The following CASP4 variants were observed in gnomAD, a reference collection of about 807,000 sequenced individuals.
CASP4 encodes caspase-4.
In CASP4, 29 loss-of-function variants were observed where a neutral mutation model predicts 41.3. The ratio of observed to expected loss-of-function variants is 0.70; its 90% confidence interval spans 0.52 to 0.96. The LOEUF (loss-of-function observed/expected upper bound fraction) is 0.96, where lower values mean the gene tolerates loss of function less well. Ranked by LOEUF, CASP4 falls within the 40% of genes least tolerant of loss-of-function variation. CASP4 has a pLI of 0.00. For synonymous variants in CASP4, 185 were observed against 158.4 expected (o/e 1.17, Z -1.26); for missense variants, 447 against 460.6 (o/e 0.97, Z 0.27).
chr11:104,951,210 C>A, intron 3 of CASP4, 112 bp from the exon 4 acceptor site: 1 of 854,116 alleles, frequency 1.2e-6, no homozygotes, highest in South Asian at 1.9e-5. Flanking sequence ...TCTGCTCTAA[C>A]TTGTATCAAA....
chr11:104,962,493 G>C (rs886443439), intron 1 of CASP4, among the ~76,000 whole-genome samples: 1 of 152,128 alleles, frequency 6.6e-6, no homozygotes, highest in Non-Finnish European at 1.5e-5. Flanking sequence ...ATGGAAAGAG[G>C]GGTATCACAA....
At chr11:104,967,182 G>A (rs186651971) in intron 1 of CASP4, among the ~76,000 whole-genome samples, 1 of 152,110 alleles carries the variant, frequency 6.6e-6, no homozygotes. Context: ...ACATTTGGTT[G>A]TTTATAATTA....
At position 104,963,663 on chromosome 11, in the gene CASP4, G is replaced by A. The variant is rs542201792; in HGVS notation, c.7+4856C>T. Among the ~76,000 whole-genome samples the A allele has an allele frequency of 2.3e-4, 35 of 152,292 alleles. 1 individual carries two copies. The highest frequency in any genetic ancestry group is 7.7e-4 in the East Asian group (4 of 5,178). On this transcript the variant is annotated intron_variant, in intron 1 of 8. Coordinates refer to ENST00000444739, the MANE Select transcript of CASP4 (RefSeq NM_001225.4). ...ATGCTCTGGGCCACCTGGAAGATACGGAAACATCCCCATGCCTGACTGAGA... is the reference window on the plus strand; with the variant it reads ...ATGCTCTGGGCCACCTGGAAGATACAGAAACATCCCCATGCCTGACTGAGA...
intron 2 of CASP4, 125 bp downstream of exon 2, chr11:104,954,622 G>C (rs1860690529): frequency 1.1e-6 from 1 of 916,866 alleles, no homozygotes; most frequent in Non-Finnish European, 1.7e-6. Flanking sequence ...GACAAAGATA[G>C]GTTTAGTGAA....
At chr11:104,958,681 C>T (rs2134651418) in intron 1 of CASP4, among the ~76,000 whole-genome samples, 1 of 152,172 alleles carries the variant, frequency 6.6e-6, no homozygotes, top group African/African-American at 2.4e-5. Flanking sequence ...GTAAATTAGG[C>T]CCTGCGCAGT....
chr11:104,961,520 C>A (rs150190237), intron 1 of CASP4, among the ~76,000 whole-genome samples: 2 of 152,132 alleles, frequency 1.3e-5, no homozygotes, highest in African/African-American at 4.8e-5. Context: ...GTGTCTGTAG[C>A]CCCATTGCAG....
chr11:104,957,452 G>C (rs56390038), intron 1 of CASP4, among the ~76,000 whole-genome samples: 17,731 of 152,034 alleles, frequency 0.12, 1,153 homozygotes, highest in South Asian at 0.13. Flanking sequence ...TGTGTCTATA[G>C]TCCTTGCTTC....
At position 104,949,586 on chromosome 11, in the gene CASP4, C is replaced by T. The variant is rs1350868935; in HGVS notation, c.738G>A (p.Leu246=). The change falls in exon 5 of 9, where the codon CTG becomes CTA. Residue 246 remains leucine (L), a synonymous_variant. Coordinates refer to ENST00000444739, the MANE Select transcript of CASP4 (RefSeq NM_001225.4). The stretch of plus-strand genomic sequence containing the variant: ...CAATGATGACCTTGGGTTTGTCCTT[C>T]AGACTGAGGCAGTTGCGGTTGTTGA... ...QIFNNRNCLS[L]KDKPKVIIVQ... The T allele has an allele frequency of 6.8e-6, 11 of 1,613,954 alleles. No homozygotes were observed. The highest frequency in any genetic ancestry group is 9.3e-6 in the Non-Finnish European group (11 of 1,179,862).
chr11:104,965,203 A>C, intron 1 of CASP4, among the ~76,000 whole-genome samples: 1 of 152,170 alleles, frequency 6.6e-6, no homozygotes, highest in East Asian at 1.9e-4. Context: ...TCCTCATCCT[A>C]GGATTTGTTA....
intron 4 of CASP4, 101 bp downstream of exon 4, chr11:104,950,820 ACACC>A: frequency 1.0e-6 from 1 of 1,004,988 alleles, no homozygotes; most frequent in Non-Finnish European, 1.5e-6. Context: ...ACACACACAC[ACACC>A]CAAAGGTTGT....
At chr11:104,944,968 C>A (rs147946376) in intron 7 of CASP4, 117 bp from the exon 8 acceptor site, 7,319 of 716,124 alleles carry the variant, frequency 0.01, 54 homozygotes, top group Non-Finnish European at 0.014. Flanking sequence ...TTCATAGAAC[C>A]AAGCCCATGG....
intron 1 of CASP4, among the ~76,000 whole-genome samples, chr11:104,965,264 G>A (rs1860946919): frequency 1.3e-5 from 2 of 152,324 alleles, no homozygotes; most frequent in South Asian, 4.1e-4. Context: ...AACTACAGAG[G>A]AGAGTACTAA....
At chr11:104,952,197 A>G (rs1352248557) in intron 2 of CASP4, 192 bp from the exon 3 acceptor site, 1 of 560,512 alleles carries the variant, frequency 1.8e-6, no homozygotes, top group African/African-American at 1.9e-5. Flanking sequence ...GATCCACCCA[A>G]ACATGTAATC....
At position 104,954,728 on chromosome 11, in the gene CASP4, G is replaced by A. The variant is rs758585868; in HGVS notation, c.262+19C>T. The A allele has an allele frequency of 6.2e-7, 1 of 1,608,328 alleles. No homozygotes were observed. Among genetic ancestry groups the A allele is most frequent in the Non-Finnish European group, 8.5e-7 (1 of 1,176,604 alleles). On this transcript the variant is annotated intron_variant, in intron 2 of 8. Coordinates refer to ENST00000444739, the MANE Select transcript of CASP4 (RefSeq NM_001225.4). ...TTTAGGGAAAATTGAGACATTCATTGTAAAAAATCCAGTCTTACCTTTTTT... is the reference window on the plus strand; with the variant it reads ...TTTAGGGAAAATTGAGACATTCATTATAAAAAATCCAGTCTTACCTTTTTT...
intron 2 of CASP4, 109 bp downstream of exon 2, chr11:104,954,638 T>C: frequency 7.9e-6 from 8 of 1,014,284 alleles, no homozygotes; most frequent in Middle Eastern, 2.2e-4. Context: ...GTGAAAATGA[T>C]AGTTTAGGAA....
chr11:104,948,785 C>G, intron 5 of CASP4, 109 bp from the exon 6 acceptor site: 2 of 818,786 alleles, frequency 2.4e-6, no homozygotes, highest in Non-Finnish European at 3.7e-6. Flanking sequence ...TTCATACATA[C>G]AGACCCACAC....
chr11:104,956,238 G>T (rs971062509), intron 1 of CASP4, among the ~76,000 whole-genome samples: 3 of 151,884 alleles, frequency 2.0e-5, no homozygotes, highest in African/African-American at 7.3e-5. Context: ...AGCCAGTGGG[G>T]TAGTTATTAT....
intron 1 of CASP4, among the ~76,000 whole-genome samples, chr11:104,964,847 T>A (rs79502484): frequency 6.6e-6 from 1 of 152,224 alleles, no homozygotes. Context: ...TAAAAAGTCT[T>A]ATCTGAGATT....
chr11:104,955,012 T>C lies in CASP4; in HGVS notation c.8-11A>G, dbSNP rs1309064638. The C allele has an allele frequency of 2.5e-6, 4 of 1,610,958 alleles. No individual in the cohort carries two copies. The highest frequency in any genetic ancestry group is 3.4e-6 in the Non-Finnish European group (4 of 1,178,882). On this transcript the variant is annotated splice_polypyrimidine_tract_variant and intron_variant, in intron 1 of 8. Transcript: ENST00000444739. Reference sequence around the variant, plus strand: ...TTCTGTGGTTGCCTTCTGTTAGAAATAGAAAGATTCCTTTAACTATGGGCA... The same window carrying C: ...TTCTGTGGTTGCCTTCTGTTAGAAACAGAAAGATTCCTTTAACTATGGGCA...
Sources: gnomAD v4.1 joint callset for allele counts (sites outside exome capture counted in the v4.1 genomes callset) on GRCh38, gnomAD v4.1.1 for gene constraint, MANE v1.5 for transcripts, NCBI Gene and HGNC (gene_info 2026-07-23, HGNC 2026-07-21) for gene names.